The following SLC44A2 variants were observed in gnomAD, a reference collection of about 807,000 sequenced individuals.
The protein encoded by SLC44A2 is solute carrier family 44 member 2 (CTL2 blood group), also known as choline transporter-like protein 2.
Under a neutral mutation model 90.8 loss-of-function variants are expected in SLC44A2, and 57 were observed. That is an observed-to-expected ratio of 0.63 (90% CI 0.51 to 0.78). The LOEUF is 0.78. Among genes scored for constraint, SLC44A2 ranks in the 30% least tolerant of loss-of-function variants. SLC44A2 has a pLI of 0.00. For missense variants in SLC44A2, 794 were observed against 919.7 expected, an observed-to-expected ratio of 0.86 and a Z score of 1.77; for synonymous variants, 355 against 360.7, an observed-to-expected ratio of 0.98 and a Z score of 0.18.
intron 4 of SLC44A2, among the ~76,000 whole-genome samples, chr19:10,628,828 G>A (rs551358756): frequency 9.2e-5 from 14 of 152,174 alleles, no homozygotes; most frequent in Admixed American, 4.6e-4. Flanking sequence ...TCTGAACCTC[G>A]TTTTCCTCAT....
At chr19:10,629,512 A>AG (rs1335235323) in intron 4 of SLC44A2, among the ~76,000 whole-genome samples, 1 of 151,494 alleles carries the variant, frequency 6.6e-6, no homozygotes, top group Non-Finnish European at 1.5e-5. Context: ...TCCTGACCTC[A>AG]GGTTATCTGC....
At chr19:10,639,835 C>T (rs944919718) in intron 20 of SLC44A2, among the ~76,000 whole-genome samples, 3 of 151,816 alleles carry the variant, frequency 2.0e-5, no homozygotes, top group African/African-American at 4.8e-5. Context: ...GAGCCGAGAT[C>T]GCGCCACTGC....
intron 1 of SLC44A2, among the ~76,000 whole-genome samples, chr19:10,611,444 A>G (rs1273599262): frequency 1.3e-5 from 2 of 151,294 alleles, no homozygotes; most frequent in South Asian, 2.1e-4. Context: ...AGAGTGAGAC[A>G]CTATTTCAAA....
chr19:10,606,909 CTA>C (rs761972105), intron 1 of SLC44A2, among the ~76,000 whole-genome samples: 5 of 145,000 alleles, frequency 3.4e-5, no homozygotes, highest in Admixed American at 7.0e-5. Context: ...TTACTTACGG[CTA>C]TTTTTTTTTT....
At chr19:10,626,580 A>AT (rs34527261) in intron 2 of SLC44A2, among the ~76,000 whole-genome samples, 105,868 of 138,294 alleles carry the variant, frequency 0.77, 40,456 homozygotes, top group Admixed American at 0.81. Context: ...CACCTGGCTA[A>AT]TTTTTTTTTT....
In SLC44A2 at chr19:10,625,590, C is replaced by A. The variant is rs1387989563; in HGVS notation, c.-44C>A. 2 of 1,238,274 alleles carry A rather than the reference C, an allele frequency of 1.6e-6. No individual in the cohort carries two copies. The highest frequency in any genetic ancestry group is 1.0e-6 in the Non-Finnish European group (1 of 988,352). 76.7% of individuals were successfully genotyped at this position (1,238,274 alleles called of 1,614,324 possible). ...CAGACTCGGGAGGGTCGAGGGGGCG[C>A]GGGAGAGAGCGCGGGCGGCCGCCGG... On this transcript the variant is annotated 5_prime_UTR_variant, in exon 1 of 22. Coordinates refer to ENST00000335757, the MANE Select transcript of SLC44A2 (RefSeq NM_020428.4).
chr19:10,622,493 G>A (rs539701466), upstream of SLC44A2, among the ~76,000 whole-genome samples: 5 of 152,128 alleles, frequency 3.3e-5, no homozygotes, highest in East Asian at 5.8e-4. Flanking sequence ...AGGAGCAGGT[G>A]AGAAGAGGTT....
intron 21 of SLC44A2, among the ~76,000 whole-genome samples, chr19:10,642,716 G>T (rs548086647): frequency 6.6e-6 from 1 of 152,170 alleles, no homozygotes; most frequent in Admixed American, 6.5e-5. Context: ...GCTTTGACTG[G>T]GGGGAGGGGA....
chr19:10,625,581 G>C lies in SLC44A2; in HGVS notation c.-53G>C. 1 of 1,237,054 alleles carries C rather than the reference G, an allele frequency of 8.1e-7. No homozygotes were observed. Among genetic ancestry groups the C allele is most frequent in the Non-Finnish European group, 1.0e-6 (1 of 988,088 alleles). 76.6% of individuals were successfully genotyped at this position (1,237,054 alleles called of 1,614,324 possible). A position where few individuals can be genotyped will look rare whatever the true frequency, so the allele number is the denominator to read the frequency against. On this transcript the variant is annotated 5_prime_UTR_variant, in exon 1 of 22. Transcript: ENST00000335757. Reference sequence around the variant, plus strand: ...GCCTCCCTCCAGACTCGGGAGGGTCGAGGGGGCGCGGGAGAGAGCGCGGGC... The same window carrying C: ...GCCTCCCTCCAGACTCGGGAGGGTCCAGGGGGCGCGGGAGAGAGCGCGGGC...
chr19:10,631,289 A>G lies in SLC44A2; in HGVS notation c.345A>G (p.Lys115=). The G allele has an allele frequency of 6.2e-7, 1 of 1,613,972 alleles. No homozygotes were observed. The highest frequency in any genetic ancestry group is 1.1e-5 in the South Asian group (1 of 91,068). ...TCCCCTCCCAGATCTGCGTGGAAAA[A>G]TGCCCCGACCGCTACCTCACGTACC... ...QCPTPQICVE[K]CPDRYLTYLN... is the part of the protein sequence containing the mutation. Residue 115 remains lysine, a synonymous_variant, in exon 6 of 22, where the codon AAA becomes AAG. Transcript: ENST00000335757.
Position 10,635,275 on chromosome 19 carries a change from G to A in SLC44A2, c.1148+20G>A, listed in dbSNP as rs1314437601. On this transcript the variant is annotated intron_variant, in intron 13 of 21. Coordinates refer to ENST00000335757, the MANE Select transcript of SLC44A2 (RefSeq NM_020428.4). Reference sequence around the variant, plus strand: ...TGCTGTGTATCTGCCCCCAGACACTGATCTCTGACCCCAGGGATGGCTAAA... The same window carrying A: ...TGCTGTGTATCTGCCCCCAGACACTAATCTCTGACCCCAGGGATGGCTAAA... 1 of 1,613,590 alleles carries A rather than the reference G, an allele frequency of 6.2e-7. No homozygotes were observed. The highest frequency in any genetic ancestry group is 1.3e-5 in the African/African-American group (1 of 75,012).
At chr19:10,632,736 G>A (rs1319196543) in intron 10 of SLC44A2, among the ~76,000 whole-genome samples, 3 of 148,710 alleles carry the variant, frequency 2.0e-5, no homozygotes, top group South Asian at 2.1e-4. Context: ...GCCATGGCGC[G>A]ATCTTGGCTC....
In SLC44A2 at chr19:10,626,243, T is replaced by C. The variant is rs775528281; in HGVS notation, c.38-10T>C. 3.7e-6 allele frequency: 6 copies of C among 1,611,254 alleles called. No homozygotes were observed. The African/African-American group carries it at 6.7e-5, about 18-fold the overall frequency. On this transcript the variant is annotated splice_polypyrimidine_tract_variant and intron_variant, in intron 1 of 21. Coordinates refer to ENST00000335757, the MANE Select transcript of SLC44A2 (RefSeq NM_020428.4). ...CCAATCCCATCCATCTTAATCTTCT[T>C]GACTTTCAGGAACGCCACAGAAGTA...
In SLC44A2 at chr19:10,615,699, A is replaced by G. The variant is rs2066849847; in HGVS notation, c.32-10554A>G. ...AGAAAAATTGTGTTTAAGGGGAACC[A>G]TGAAGCTCAAACCTGTGTTGTTGGA... On this transcript the variant is annotated intron_variant, in intron 1 of 21. Coordinates refer to the SLC44A2 transcript ENST00000407327. Among the ~76,000 whole-genome samples, 4 of 152,188 alleles carry G rather than the reference A, an allele frequency of 2.6e-5. 1 individual carries two copies. The South Asian group carries it at 8.3e-4, about 31-fold the overall frequency.
At chr19:10,617,069 T>G (rs1022396419) in intron 1 of SLC44A2, among the ~76,000 whole-genome samples, 1 of 152,004 alleles carries the variant, frequency 6.6e-6, no homozygotes, top group South Asian at 2.1e-4. Context: ...CTACAGGCTC[T>G]CGCCACCACG....
rs145745328 is a variant in SLC44A2, at chr19:10,638,241, T to C, written c.1855T>C (p.Phe619Leu). 3.1e-5 allele frequency: 50 copies of C among 1,614,130 alleles called. No homozygotes were observed. In the African/African-American group the frequency reaches 6.4e-4, roughly 21 times the overall value. ...IVGSVGILAF[F>L]FFTHRIRIVQ... ...TCCTTCTCCAGGGATCCTGGCTTTC[T>C]TCTTCTTCACCCACCGTATCAGGAT... is the stretch of plus-strand genomic sequence containing the variant. Residue 619 changes from phenylalanine to leucine, a missense_variant, in exon 20 of 22, where the codon TTC (phenylalanine) becomes CTC (leucine). Around this residue, in one of 3 missense-constraint regions of SLC44A2, gnomAD observed 738 missense variants for 841.1 expected, o/e 0.88. Transcript: ENST00000335757.
intron 1 of SLC44A2, among the ~76,000 whole-genome samples, chr19:10,610,686 C>G (rs1366888430): frequency 5.2e-5 from 6 of 115,620 alleles, no homozygotes; most frequent in African/African-American, 2.1e-4. Context: ...GTTGCCCAGG[C>G]TGGAGTGCAA....
intron 1 of SLC44A2, among the ~76,000 whole-genome samples, chr19:10,614,260 C>T (rs909860684): frequency 6.6e-6 from 1 of 152,102 alleles, no homozygotes; most frequent in African/African-American, 2.4e-5. Context: ...AGCCACCGCA[C>T]CCGTCCATAA....
intron 1 of SLC44A2, among the ~76,000 whole-genome samples, chr19:10,609,553 G>A (rs559732603): frequency 1.6e-3 from 251 of 152,232 alleles, no homozygotes; most frequent in Non-Finnish European, 2.9e-3. Flanking sequence ...ACCCGCCTCA[G>A]TCTCCCAAAA....
Sources: gnomAD v4.1 joint callset for allele counts (sites outside exome capture counted in the v4.1 genomes callset) on GRCh38, gnomAD v4.1.1 for gene constraint, gnomAD v4.1.1 regional missense constraint, MANE v1.5 for transcripts, NCBI Gene and HGNC (gene_info 2026-07-23, HGNC 2026-07-21) for gene names.